CLIC5: variants seen among roughly 807,000 people sequenced by gnomAD.
The protein encoded by CLIC5 is chloride intracellular channel protein 5.
Under a neutral mutation model 24.7 loss-of-function variants are expected in CLIC5, and 20 were observed. That is an observed-to-expected ratio of 0.81 (90% CI 0.57 to 1.18). CLIC5 has a LOEUF of 1.18. Ranked by LOEUF, CLIC5 falls within the 50% of genes most tolerant of loss-of-function variation. The pLI, the probability that CLIC5 is intolerant of heterozygous loss-of-function variation, is 0.00. For missense variants in CLIC5, 341 were observed against 326.1 expected, an observed-to-expected ratio of 1.05 and a Z score of -0.35; for synonymous variants, 159 against 135.6, an observed-to-expected ratio of 1.17 and a Z score of -1.20.
chr6:46,068,258 G>A (rs1762497184), intron 1 of CLIC5, among the ~76,000 whole-genome samples: 1 of 152,132 alleles, frequency 6.6e-6, no homozygotes, highest in Admixed American at 6.6e-5. Flanking sequence ...ATAACTGTAA[G>A]AGAATAAGTT....
At chr6:46,126,071 A>T in the CLIC5 span, among the ~76,000 whole-genome samples, 1 of 152,148 alleles carries the variant, frequency 6.6e-6, no homozygotes, top group East Asian at 1.9e-4. Context: ...TTTTAGGATT[A>T]AAAATCCCAT....
intron 4 of CLIC5, among the ~76,000 whole-genome samples, chr6:45,917,846 G>T (rs1194793320): frequency 1.3e-5 from 2 of 152,236 alleles, no homozygotes; most frequent in African/African-American, 4.8e-5. Context: ...GGATGTGAAA[G>T]AAACTAGAGC....
downstream of CLIC5, among the ~76,000 whole-genome samples, chr6:45,898,282 A>G (rs4072591): frequency 0.067 from 10,186 of 152,204 alleles, 528 homozygotes; most frequent in Non-Finnish European, 0.09. Flanking sequence ...CATCTCTACT[A>G]AAATACAAAA....
At chr6:45,960,124 T>C (rs1764797955) in intron 1 of CLIC5, among the ~76,000 whole-genome samples, 2 of 152,148 alleles carry the variant, frequency 1.3e-5, no homozygotes. Context: ...ATGAACCACA[T>C]TGGAGAACCA....
chr6:45,949,514 G>T, intron 2 of CLIC5, 133 bp from the exon 3 acceptor site: 1 of 938,646 alleles, frequency 1.1e-6, no homozygotes, highest in Non-Finnish European at 1.6e-6. Context: ...TTTATGGTAT[G>T]CAGTATAGGG....
At chr6:45,955,280 G>A (rs1221511765) in intron 1 of CLIC5, 36 bp from the exon 2 acceptor site, 1 of 1,482,420 alleles carries the variant, frequency 6.7e-7, no homozygotes, top group Admixed American at 1.7e-5. Flanking sequence ...GAGTGGGCAG[G>A]TGCAATTAGC....
downstream of CLIC5, among the ~76,000 whole-genome samples, chr6:45,895,262 A>G (rs1020731448): frequency 5.3e-5 from 8 of 152,188 alleles, no homozygotes; most frequent in Non-Finnish European, 1.2e-4. Flanking sequence ...CCCTCCCCTC[A>G]AAGCTTCTAA....
In CLIC5 at chr6:45,918,820, G is replaced by A. The variant is rs181809596; in HGVS notation, c.407-4411C>T. ...AAGGAAATACACTCACTGAATTCCC[G>A]CAGTGAGCTAGGGATGTTTATGCAA... On this transcript the variant is annotated intron_variant, in intron 4 of 5. Transcript: ENST00000339561. The A allele has an allele frequency of 2.3e-4, 80 of 349,796 alleles. 1 individual carries two copies. In the East Asian group the frequency reaches 7.0e-3, roughly 31 times the overall value. 21.7% of individuals were successfully genotyped at this position (349,796 alleles called of 1,614,324 possible).
chr6:46,049,503 G>A (rs1043759662), intron 1 of CLIC5, among the ~76,000 whole-genome samples: 1 of 152,104 alleles, frequency 6.6e-6, no homozygotes, highest in African/African-American at 2.4e-5. Context: ...CAACCATTGA[G>A]GGGAATTTAA....
At position 45,956,470 on chromosome 6, in the gene CLIC5, G is replaced by GT. The variant is rs35101536; in HGVS notation, c.64-1227dup. Among the ~76,000 whole-genome samples the GT allele has an allele frequency of 5.2e-3, 710 of 135,390 alleles. 8 individuals carry two copies. The South Asian group carries it at 0.053, about 10-fold the overall frequency. 88.8% of individuals were successfully genotyped at this position (135,390 alleles called of 152,430 possible). A position where few individuals can be genotyped will look rare whatever the true frequency, so the allele number is the denominator to read the frequency against. ...ATATCCAGGAATGGGGGCTTACTGA[G>GT]TTTTTTTTTTTTTTTTTTCAAAAGA... On this transcript the variant is annotated intron_variant, in intron 1 of 5. Transcript: ENST00000339561.
chr6:46,077,882 T>C (rs1191102197), intron 1 of CLIC5, among the ~76,000 whole-genome samples: 1 of 152,220 alleles, frequency 6.6e-6, no homozygotes, highest in Non-Finnish European at 1.5e-5. Flanking sequence ...TTTTTCCTAC[T>C]ACTTCTGTTT....
exon 1 of CLIC5, chr6:46,080,005 C>T (rs745580446): frequency 1.9e-6 from 3 of 1,551,576 alleles, no homozygotes; most frequent in East Asian, 2.4e-5. Context: ...AGGAGGTAGC[C>T]TCTGTCTTCT....
intron 1 of CLIC5, among the ~76,000 whole-genome samples, chr6:46,065,292 G>A (rs972106186): frequency 1.5e-4 from 22 of 150,702 alleles, no homozygotes; most frequent in Non-Finnish European, 1.8e-4. Context: ...TGGAAAGGCA[G>A]TAGCTAGAAA....
At chr6:46,081,663 G>A (rs772785084), upstream of CLIC5, among the ~76,000 whole-genome samples, 3 of 152,172 alleles carry the variant, frequency 2.0e-5, no homozygotes, top group Non-Finnish European at 2.9e-5. Flanking sequence ...ATGGATTCCA[G>A]TTCAAATCTT....
At chr6:45,914,452 C>A in intron 4 of CLIC5, 43 bp from the exon 5 acceptor site, 1 of 1,520,312 alleles carries the variant, frequency 6.6e-7, no homozygotes, top group South Asian at 1.3e-5. Context: ...AACTTCTTGC[C>A]AGTGGATACA....
chr6:46,082,791 C>T (rs1007024783), upstream of CLIC5, among the ~76,000 whole-genome samples: 4 of 148,276 alleles, frequency 2.7e-5, no homozygotes, highest in African/African-American at 9.7e-5. Flanking sequence ...ACTAAAAACC[C>T]TTACCCTACT....
intron 1 of CLIC5, among the ~76,000 whole-genome samples, chr6:46,060,868 A>G (rs969714500): frequency 6.6e-6 from 1 of 152,216 alleles, no homozygotes; most frequent in Non-Finnish European, 1.5e-5. Flanking sequence ...GAACTCTAGC[A>G]TTAATTCCTA....
At chr6:45,925,316 G>GTTT in intron 4 of CLIC5, among the ~76,000 whole-genome samples, 1 of 139,340 alleles carries the variant, frequency 7.2e-6, no homozygotes, top group African/African-American at 2.9e-5. Flanking sequence ...TCATTATTCC[G>GTTT]CTTTTTTTTT....
chr6:46,110,896 G>A, the CLIC5 span, among the ~76,000 whole-genome samples: 2 of 152,164 alleles, frequency 1.3e-5, no homozygotes, highest in African/African-American at 4.8e-5. Context: ...AAATAATGAA[G>A]CCAAATACAA....
Sources: allele counts gnomAD v4.1 joint callset (sites outside exome capture counted in the v4.1 genomes callset), GRCh38; gene constraint gnomAD v4.1.1; transcripts MANE v1.5; gene names NCBI Gene and HGNC (gene_info 2026-07-23, HGNC 2026-07-21).